The following ARHGEF10 variants were observed in gnomAD, a reference collection of about 807,000 sequenced individuals.
ARHGEF10 encodes Rho guanine nucleotide exchange factor 10.
A neutral mutation model predicts 147.4 loss-of-function variants in ARHGEF10; 140 were observed. The observed-to-expected ratio is 0.95, with a 90% CI of 0.83 to 1.09. The LOEUF is 1.09. Among genes scored for constraint, ARHGEF10 ranks in the 50% least tolerant of loss-of-function variants. The probability of loss-of-function intolerance (pLI) is 0.00; values close to 1 mark genes in which losing one functional copy is unlikely to be tolerated. For synonymous variants in ARHGEF10, 902 were observed against 695.8 expected (o/e 1.30, Z -4.67); for missense variants, 2,222 against 1,752.7 (o/e 1.27, Z -4.78).
intron 16 of ARHGEF10, 70 bp downstream of exon 16, chr8:1,903,521 C>A: frequency 1.3e-6 from 2 of 1,576,032 alleles, no homozygotes; most frequent in East Asian, 2.3e-5. Flanking sequence ...TGTCGTTGTC[C>A]AGCAATACTA....
chr8:1,836,281 C>T (rs896895654), intron 1 of ARHGEF10, among the ~76,000 whole-genome samples: 7 of 152,126 alleles, frequency 4.6e-5, no homozygotes, highest in African/African-American at 1.7e-4. Context: ...TGAAACAAAG[C>T]CTGCAGCCCA....
rs1270118104 is a variant in ARHGEF10 at position 1,888,301 on chromosome 8, GT to G, written c.1182+2597del. Among the ~76,000 whole-genome samples the G allele has an allele frequency of 7.7e-5, 8 of 104,060 alleles. 1 individual carries two copies. The highest frequency in any genetic ancestry group is 2.2e-4 in the African/African-American group (6 of 27,164). 68.3% of individuals were successfully genotyped at this position (104,060 alleles called of 152,430 possible). ...GGTTCTGAGGAGGGGTGGGGTGAGGGTTTGTGAGGATATGCTGAGTGGGATG... is the reference window on the plus strand; with the variant it reads ...GGTTCTGAGGAGGGGTGGGGTGAGGGTTGTGAGGATATGCTGAGTGGGATG... On this transcript the variant is annotated intron_variant, in intron 11 of 28. Transcript: ENST00000349830.
rs1313244620 is a variant in ARHGEF10, at chr8:1,869,248, C to G, written c.677C>G (p.Pro226Arg). ...DVPRENSDSEPDEMIYDDVEN... is the reference protein window; with the variant it reads ...DVPRENSDSERDEMIYDDVEN... ...CCAAGGGAAAACTCAGACTCTGAAC[C>G]AGGTTTGATTTTGTCTGGAATTGAT... is the stretch of plus-strand genomic sequence containing the variant. The change falls in exon 7 of 29, where the codon CCA (proline) becomes CGA (arginine). Residue 226 changes from proline (P) to arginine (R), a missense_variant and splice_region_variant. Coordinates refer to ENST00000349830, the MANE Select transcript of ARHGEF10 (RefSeq NM_014629.4). The G allele has an allele frequency of 1.2e-6, 2 of 1,613,504 alleles. No individual in the cohort carries two copies. The highest frequency in any genetic ancestry group is 2.2e-5 in the East Asian group (1 of 44,886).
chr8:1,869,183 G>A lies in ARHGEF10; in HGVS notation c.623-11G>A, dbSNP rs1585326597. The stretch of plus-strand genomic sequence containing the variant: ...GTCACTGTTTAAAGTGTTTCTCCCC[G>A]TTTATTGCAGATCCAGAGGAAGCAA... On this transcript the variant is annotated splice_polypyrimidine_tract_variant and intron_variant, in intron 6 of 28. Transcript: ENST00000349830. 1.9e-6 allele frequency: 3 copies of A among 1,612,420 alleles called. No individual in the cohort carries two copies. The highest frequency in any genetic ancestry group is 2.2e-5 in the East Asian group (1 of 44,862).
chr8:1,825,535 C>T (rs529681931), intron 1 of ARHGEF10, among the ~76,000 whole-genome samples: 43 of 150,174 alleles, frequency 2.9e-4, no homozygotes, highest in Admixed American at 5.3e-4. Context: ...ACCCCACAGC[C>T]CGCTGGTGCC....
At chr8:1,926,200 C>T (rs1176439909) in intron 22 of ARHGEF10, among the ~76,000 whole-genome samples, 177 bp from the exon 23 acceptor site, 1 of 152,260 alleles carries the variant, frequency 6.6e-6, no homozygotes, top group Non-Finnish European at 1.5e-5. Context: ...AAAAAGCTAA[C>T]TTCTGAGAGT....
intron 27 of ARHGEF10, 66 bp downstream of exon 27, chr8:1,945,721 C>T: frequency 4.4e-6 from 7 of 1,596,208 alleles, no homozygotes; most frequent in Admixed American, 3.3e-5. Context: ...GGGTGCGGAG[C>T]GCTGTCAGCC....
At chr8:1,914,798 G>A (rs184067534) in intron 18 of ARHGEF10, among the ~76,000 whole-genome samples, 1 of 152,268 alleles carries the variant, frequency 6.6e-6, no homozygotes, top group East Asian at 1.9e-4. Context: ...GGATTTGCAG[G>A]TCCTTCCCAC....
At chr8:1,936,403 G>A (rs952879146) in intron 26 of ARHGEF10, among the ~76,000 whole-genome samples, 9 of 152,212 alleles carry the variant, frequency 5.9e-5, no homozygotes, top group Admixed American at 1.3e-4. Flanking sequence ...TAGGATATTC[G>A]GGAGGCTGAA....
At position 1,924,941 on chromosome 8, in the gene ARHGEF10, C is replaced by A. The variant is rs371839561; in HGVS notation, c.2489-342C>A. On this transcript the variant is annotated intron_variant, in intron 21 of 28. Coordinates refer to ENST00000349830, the MANE Select transcript of ARHGEF10 (RefSeq NM_014629.4). ...CTCTGGTATTTGAATCTAAACATTTCTTTTGCTTTGGAAAAACTGGAGAAA... is the reference window on the plus strand; with the variant it reads ...CTCTGGTATTTGAATCTAAACATTTATTTTGCTTTGGAAAAACTGGAGAAA... Among the ~76,000 whole-genome samples, 22 of 152,300 alleles carry A rather than the reference C, an allele frequency of 1.4e-4. No homozygotes were observed. In the East Asian group the frequency reaches 3.9e-3, roughly 27 times the overall value.
intron 1 of ARHGEF10, among the ~76,000 whole-genome samples, chr8:1,825,664 C>T (rs993015669): frequency 1.3e-5 from 2 of 151,996 alleles, no homozygotes; most frequent in Non-Finnish European, 2.9e-5. Flanking sequence ...GTCTGAGTAC[C>T]CCTCCCGACT....
At chr8:1,878,841 G>C (rs1231185267) in intron 8 of ARHGEF10, among the ~76,000 whole-genome samples, 1 of 152,124 alleles carries the variant, frequency 6.6e-6, no homozygotes. Context: ...AAGGAGCTGG[G>C]GAAAGCCAGC....
At chr8:1,886,020 T>C (rs1808629627) in intron 11 of ARHGEF10, among the ~76,000 whole-genome samples, 1 of 152,188 alleles carries the variant, frequency 6.6e-6, no homozygotes, top group South Asian at 2.1e-4. Context: ...TGGGAGTCAG[T>C]CACACAGTTT....
At chr8:1,939,582 T>C (rs1230672987) in intron 26 of ARHGEF10, among the ~76,000 whole-genome samples, 2 of 152,256 alleles carry the variant, frequency 1.3e-5, no homozygotes, top group African/African-American at 4.8e-5. Flanking sequence ...CATGCGTCCC[T>C]GCAGGCACAG....
At chr8:1,942,136 A>AGGCACACGAG in intron 26 of ARHGEF10, among the ~76,000 whole-genome samples, 1 of 151,772 alleles carries the variant, frequency 6.6e-6, no homozygotes, top group South Asian at 2.1e-4. Flanking sequence ...CATTAAAGTT[A>AGGCACACGAG]AAACCTTTTT....
intron 2 of ARHGEF10, among the ~76,000 whole-genome samples, chr8:1,847,543 G>C (rs1483169488): frequency 6.6e-6 from 1 of 152,030 alleles, no homozygotes; most frequent in Admixed American, 6.6e-5. Context: ...AATGAGCTCA[G>C]ACAGACGCCA....
intron 2 of ARHGEF10, among the ~76,000 whole-genome samples, chr8:1,857,551 C>A (rs1805643524): frequency 6.6e-6 from 1 of 151,980 alleles, no homozygotes; most frequent in Admixed American, 6.6e-5. Flanking sequence ...TCCTGAGAAG[C>A]TGGGATTACA....
At chr8:1,878,269 A>G (rs961364281) in intron 8 of ARHGEF10, among the ~76,000 whole-genome samples, 1 of 151,868 alleles carries the variant, frequency 6.6e-6, no homozygotes, top group Non-Finnish European at 1.5e-5. Flanking sequence ...GGCTCACTGC[A>G]ACCTCCACTT....
intron 27 of ARHGEF10, among the ~76,000 whole-genome samples, chr8:1,949,166 T>A (rs1213133988): frequency 1.3e-5 from 2 of 152,196 alleles, no homozygotes; most frequent in African/African-American, 2.4e-5. Context: ...GTATTATAAC[T>A]CATGCCTTTT....
Sources: allele counts gnomAD v4.1 joint callset (sites outside exome capture counted in the v4.1 genomes callset), GRCh38; gene constraint gnomAD v4.1.1; transcripts MANE v1.5; gene names NCBI Gene and HGNC (gene_info 2026-07-23, HGNC 2026-07-21).